The following MAP2K5 variants were observed in gnomAD, a reference collection of about 807,000 sequenced individuals.
MAP2K5 encodes the protein mitogen-activated protein kinase kinase 5, also known as dual specificity mitogen-activated protein kinase kinase 5.
In MAP2K5, 49 loss-of-function variants were observed where a neutral mutation model predicts 83.1. The ratio of observed to expected loss-of-function variants is 0.59; its 90% CI spans 0.47 to 0.75. The LOEUF is 0.75. Among genes scored for constraint, MAP2K5 ranks in the 30% least tolerant of loss-of-function variants. The probability of loss-of-function intolerance (pLI) is 0.00; values close to 1 mark genes in which losing one functional copy is unlikely to be tolerated. For synonymous variants in MAP2K5, 202 were observed against 191.8 expected, an observed-to-expected ratio of 1.05 and a Z score of -0.44; for missense variants, 457 against 557.5, an observed-to-expected ratio of 0.82 and a Z score of 1.82.
rs2089055317 is a variant in MAP2K5, at chr15:67,724,902, A to G, written c.1045-3014A>G. On this transcript the variant is annotated intron_variant, in intron 16 of 21. Transcript: ENST00000178640. This position sits in a 1 kb window ranked among gnomAD's most constrained non-coding sequence, Gnocchi z 4.4. ...CTCTGTAAGAGAGGAAGTGATTGTCATCATGCTGCAATTGCAGCGGTACCT... is the reference window on the plus strand; with the variant it reads ...CTCTGTAAGAGAGGAAGTGATTGTCGTCATGCTGCAATTGCAGCGGTACCT... Among the ~76,000 whole-genome samples the G allele has an allele frequency of 6.6e-6, 1 of 152,230 alleles. No homozygotes were observed. The highest frequency in any genetic ancestry group is 1.5e-5 in the Non-Finnish European group (1 of 68,034).
In MAP2K5 at chr15:67,665,842, A is replaced by C. The variant is rs760058176; in HGVS notation, c.847+1197A>C. Among the ~76,000 whole-genome samples, 2 of 152,186 alleles carry C rather than the reference A, an allele frequency of 1.3e-5. No individual in the cohort carries two copies. Among genetic ancestry groups the C allele is most frequent in the Non-Finnish European group, 2.9e-5 (2 of 68,028 alleles). ...TGAGTATAAATAAGTGTGTAAACAA[A>C]TTTGGTGGATGAAAAAAAATTGAAC... On this transcript the variant is annotated intron_variant, in intron 13 of 21. Coordinates refer to ENST00000178640, the MANE Select transcript of MAP2K5 (RefSeq NM_145160.3). This position sits in a 1 kb window ranked among gnomAD's most constrained non-coding sequence, Gnocchi z 4.2.
rs945492696 is a variant in MAP2K5, at chr15:67,587,045, T to G, written c.431+132T>G. On this transcript the variant is annotated intron_variant, in intron 6 of 21. Transcript: ENST00000178640. This position sits in a 1 kb window ranked among gnomAD's most constrained non-coding sequence, Gnocchi z 4.8. ...ACGTATTGACCAAAGAGAAAGGACC[T>G]CATATGGAAAGATGAATGTTTAGAT... is the stretch of plus-strand genomic sequence containing the variant. 6.0e-6 allele frequency: 5 copies of G among 837,890 alleles called. No individual in the cohort carries two copies. Among genetic ancestry groups the G allele is most frequent in the Non-Finnish European group, 1.0e-5 (5 of 491,564 alleles). 51.9% of individuals were successfully genotyped at this position (837,890 alleles called of 1,614,324 possible).
intron 16 of MAP2K5, among the ~76,000 whole-genome samples, chr15:67,715,979 A>G (rs2088819217): frequency 6.6e-6 from 1 of 152,192 alleles, no homozygotes. Context: ...TTTTTTCTGT[A>G]GAAGACACAG....
chr15:67,673,276 A>G (rs189199513), intron 13 of MAP2K5, among the ~76,000 whole-genome samples: 1 of 152,202 alleles, frequency 6.6e-6, no homozygotes, highest in East Asian at 1.9e-4. Context: ...AGACAGTCCC[A>G]TCTAAGGGCA....
chr15:67,799,797 T>A (rs2090669153), intron 21 of MAP2K5, among the ~76,000 whole-genome samples: 1 of 152,170 alleles, frequency 6.6e-6, no homozygotes, highest in African/African-American at 2.4e-5. Flanking sequence ...CAGCAGTACT[T>A]CCATATAGAA....
In MAP2K5 at chr15:67,786,147, T is replaced by G. The variant is rs2090413104; in HGVS notation, c.1242+13395T>G. On this transcript the variant is annotated intron_variant, in intron 21 of 21. Coordinates refer to ENST00000178640, the MANE Select transcript of MAP2K5 (RefSeq NM_145160.3). This position sits in a 1 kb window ranked among gnomAD's most constrained non-coding sequence, Gnocchi z 4.7. ...CATGATTTTCTCATCTGTCTGATGT[T>G]CCTGGGTATTTCCAGCTTGTTGCCT... 6.6e-6 allele frequency among the ~76,000 whole-genome samples: 1 copy of G among 152,206 alleles called. No homozygotes were observed. Among genetic ancestry groups the G allele is most frequent in the Admixed American group, 6.5e-5 (1 of 15,280 alleles).
intron 11 of MAP2K5, among the ~76,000 whole-genome samples, chr15:67,655,925 C>G (rs1204255658): frequency 6.6e-6 from 1 of 152,106 alleles, no homozygotes; most frequent in Non-Finnish European, 1.5e-5. Context: ...TTCTTTTCAT[C>G]ATTACACTGG....
Position 67,587,598 on chromosome 15 carries a change from C to T in MAP2K5, c.431+685C>T, listed in dbSNP as rs1048778587. On this transcript the variant is annotated intron_variant, in intron 6 of 21. Transcript: ENST00000178640. The surrounding 1 kb of genome is among the most constrained non-coding windows in gnomAD (Gnocchi z 4.8). The stretch of plus-strand genomic sequence containing the variant: ...CCAACGCAGCTCCTTCCCTTTTTTA[C>T]TTGGCTACATCTCAGAAGGCTCTTT... 4.1e-4 allele frequency among the ~76,000 whole-genome samples: 62 copies of T among 152,182 alleles called. No homozygotes were observed. The highest frequency in any genetic ancestry group is 1.4e-3 in the African/African-American group (58 of 41,442).
intron 8 of MAP2K5, among the ~76,000 whole-genome samples, chr15:67,625,015 C>T (rs961556679): frequency 3.3e-5 from 5 of 152,110 alleles, no homozygotes; most frequent in Non-Finnish European, 5.9e-5. Flanking sequence ...ACTGTGTGAG[C>T]TTGGATAAGT....
intron 9 of MAP2K5, among the ~76,000 whole-genome samples, chr15:67,633,108 C>T (rs944373813): frequency 4.6e-5 from 7 of 152,182 alleles, no homozygotes; most frequent in African/African-American, 1.7e-4. Context: ...TGGTGCTCAC[C>T]GAGCGCGGCC....
intron 16 of MAP2K5, chr15:67,718,245 T>G (rs1162080938): frequency 6.6e-6 from 1 of 152,206 alleles, no homozygotes; most frequent in East Asian, 1.9e-4. Context: ...TACCCACAGC[T>G]GCATGATTTC....
rs77643694 is a variant in MAP2K5 at position 67,671,604 on chromosome 15, A to G, written c.847+6959A>G. Among the ~76,000 whole-genome samples the G allele has an allele frequency of 4.1e-3, 631 of 152,296 alleles. 8 individuals carry two copies. Among genetic ancestry groups the G allele is most frequent in the African/African-American group, 0.014 (592 of 41,570 alleles). On this transcript the variant is annotated intron_variant, in intron 13 of 21. Coordinates refer to ENST00000178640, the MANE Select transcript of MAP2K5 (RefSeq NM_145160.3). The stretch of plus-strand genomic sequence containing the variant: ...GTATTATAATTAATAAGGAATTATA[A>G]TAAGGACATGTAAAGTCACAACTTG...
At chr15:67,763,914 T>A (rs1013247846) in intron 19 of MAP2K5, among the ~76,000 whole-genome samples, 1 of 152,096 alleles carries the variant, frequency 6.6e-6, no homozygotes, top group South Asian at 2.1e-4. Context: ...TGCCTAAGAG[T>A]AGACATTGTT....
intron 13 of MAP2K5, among the ~76,000 whole-genome samples, chr15:67,686,458 C>G (rs561951023): frequency 1.7e-4 from 26 of 151,764 alleles, no homozygotes; most frequent in African/African-American, 6.3e-4. Context: ...AATACAAAAA[C>G]TAGCTGGGGG....
Position 67,656,027 on chromosome 15 carries a change from GTTA to G in MAP2K5, c.737-2521_737-2519del, listed in dbSNP as rs1180603369. Among the ~76,000 whole-genome samples the G allele has an allele frequency of 3.3e-5, 5 of 151,822 alleles. No individual in the cohort carries two copies. The South Asian group carries it at 6.2e-4, about 19-fold the overall frequency. On this transcript the variant is annotated intron_variant, in intron 11 of 21. Transcript: ENST00000178640. ...ATCCTCTCCAAAAATTTTCATTTCA[GTTA>G]TTATACTTTTCAACTTCAGAATTTC...
intron 9 of MAP2K5, among the ~76,000 whole-genome samples, chr15:67,645,040 CAGG>C (rs2086799556): frequency 6.6e-6 from 1 of 151,776 alleles, no homozygotes; most frequent in African/African-American, 2.4e-5. Flanking sequence ...CCCAGCTACT[CAGG>C]AGGCTGAGAC....
Position 67,786,033 on chromosome 15 carries a change from A to C in MAP2K5, c.1242+13281A>C, listed in dbSNP as rs186425057. ...CTGTTAGGTTGTTTTTTTTTTTTTA[A>C]CTTACAGAAGATGGAGGTTATGAAA... On this transcript the variant is annotated intron_variant, in intron 21 of 21. Coordinates refer to ENST00000178640, the MANE Select transcript of MAP2K5 (RefSeq NM_145160.3). The surrounding 1 kb of genome is among the most constrained non-coding windows in gnomAD (Gnocchi z 4.7). Among the ~76,000 whole-genome samples, 1 of 148,598 alleles carries C rather than the reference A, an allele frequency of 6.7e-6. No homozygotes were observed. Among genetic ancestry groups the C allele is most frequent in the South Asian group, 2.1e-4 (1 of 4,732 alleles).
In MAP2K5 at chr15:67,543,385, T is replaced by C; in HGVS notation, c.50T>C (p.Leu17Pro). 1 of 1,614,208 alleles carries C rather than the reference T, an allele frequency of 6.2e-7. No homozygotes were observed. The highest frequency in any genetic ancestry group is 8.5e-7 in the Non-Finnish European group (1 of 1,180,038). The change falls in exon 1 of 22, where the codon CTG (leucine) becomes CCG (proline). Residue 17 changes from leucine (L) to proline (P), a missense_variant. Coordinates refer to ENST00000178640, the MANE Select transcript of MAP2K5 (RefSeq NM_145160.3). The surrounding 1 kb of genome is among the most constrained non-coding windows in gnomAD (Gnocchi z 4.3). ...TTTCCTGCCATGGAGAACCAGGTGC[T>C]GGTAATTCGCATCAAGATCCCAAAT... ...GPFPAMENQV[L>P]VIRIKIPNSG...
rs1467957976 is a variant in MAP2K5 at position 67,801,352 on chromosome 15, T to C, written c.1243-5294T>C. Among the ~76,000 whole-genome samples, 2 of 152,218 alleles carry C rather than the reference T, an allele frequency of 1.3e-5. No individual in the cohort carries two copies. The highest frequency in any genetic ancestry group is 3.9e-4 in the East Asian group (2 of 5,192). The stretch of plus-strand genomic sequence containing the variant: ...AACAGCAGCTTGTTGGAGTCTTTAC[T>C]AGGCCAGGCTTACTGCTTCAACAGG... On this transcript the variant is annotated intron_variant, in intron 21 of 21. Transcript: ENST00000178640. This position sits in a 1 kb window ranked among gnomAD's most constrained non-coding sequence, Gnocchi z 4.8.
Sources: gnomAD v4.1 joint callset for allele counts (sites outside exome capture counted in the v4.1 genomes callset) on GRCh38, gnomAD v4.1.1 for gene constraint, Gnocchi (gnomAD v3.1) non-coding constraint, MANE v1.5 for transcripts, NCBI Gene and HGNC (gene_info 2026-07-23, HGNC 2026-07-21) for gene names.